GBF1: variants seen among roughly 807,000 people sequenced by gnomAD.
GBF1 encodes golgi brefeldin A resistant guanine nucleotide exchange factor 1.
GBF1 carries 114 observed loss-of-function variants against 210.5 expected under a neutral mutation model. The observed-to-expected ratio is 0.54, with a 90% CI of 0.47 to 0.63. GBF1 has a LOEUF of 0.63. Among genes scored for constraint, GBF1 ranks in the 30% least tolerant of loss-of-function variants. GBF1 has a pLI of 0.00. For missense variants in GBF1, 1,851 were observed against 2,357.7 expected, an observed-to-expected ratio of 0.79 and a Z score of 4.45; for synonymous variants, 850 against 889.2, an observed-to-expected ratio of 0.96 and a Z score of 0.78.
Position 102,359,401 on chromosome 10 carries a change from G to A in GBF1, c.1146G>A (p.Arg382=). ...SVHDMDYVNP[R]GVRFTQSSQK... ...ATGACATGGATTACGTCAATCCCCGGGGCGTGCGCTTTACACAGTCCTCCC... is the reference window on the plus strand; with the variant it reads ...ATGACATGGATTACGTCAATCCCCGAGGCGTGCGCTTTACACAGTCCTCCC... The change falls in exon 11 of 40, where the codon CGG becomes CGA. Residue 382 remains arginine (R), a synonymous_variant. Transcript: ENST00000369983. The A allele has an allele frequency of 6.2e-7, 1 of 1,613,896 alleles. No homozygotes were observed. Among genetic ancestry groups the A allele is most frequent in the Non-Finnish European group, 8.5e-7 (1 of 1,179,838 alleles).
chr10:102,270,376 G>A (rs2074286266), intron 3 of GBF1, among the ~76,000 whole-genome samples: 2 of 151,664 alleles, frequency 1.3e-5, no homozygotes, highest in Admixed American at 1.3e-4. Context: ...CACCATGTTG[G>A]CCAGGTTGGT....
chr10:102,303,651 C>A (rs1001654904), intron 3 of GBF1, among the ~76,000 whole-genome samples: 1 of 152,184 alleles, frequency 6.6e-6, no homozygotes, highest in Non-Finnish European at 1.5e-5. Flanking sequence ...GCAGCTCACA[C>A]CACGCAGCTT....
At chr10:102,281,436 G>A (rs926989844) in intron 3 of GBF1, among the ~76,000 whole-genome samples, 3 of 151,714 alleles carry the variant, frequency 2.0e-5, no homozygotes, top group African/African-American at 4.8e-5. Context: ...TAAATTATGT[G>A]ATATTTTACA....
intron 3 of GBF1, among the ~76,000 whole-genome samples, chr10:102,339,850 G>A (rs2058050145): frequency 6.6e-6 from 1 of 151,940 alleles, no homozygotes. Flanking sequence ...GCAGTGGTAT[G>A]ATCACAGTTC....
At chr10:102,239,726 G>A in the GBF1 span, among the ~76,000 whole-genome samples, 5 of 152,144 alleles carry the variant, frequency 3.3e-5, no homozygotes, top group South Asian at 2.1e-4. Context: ...TCCCCAGCTG[G>A]GCTATCTTGC....
At chr10:102,321,406 A>G (rs984783442) in intron 3 of GBF1, among the ~76,000 whole-genome samples, 1 of 152,192 alleles carries the variant, frequency 6.6e-6, no homozygotes, top group African/African-American at 2.4e-5. Context: ...TGAAATAGGA[A>G]TTTAACTTTT....
At chr10:102,249,692 C>CTTTTTTTTTTTTTTTT (rs200423046) in intron 1 of GBF1, among the ~76,000 whole-genome samples, 1 of 142,170 alleles carries the variant, frequency 7.0e-6, no homozygotes, top group African/African-American at 2.6e-5. Context: ...GTTTCTCTGG[C>CTTTTTTTTTTTTTTTT]TTTTTTTTTT....
chr10:102,304,983 TA>T (rs1381174447), intron 3 of GBF1, among the ~76,000 whole-genome samples: 5 of 78,016 alleles, frequency 6.4e-5, no homozygotes, highest in African/African-American at 2.6e-4. Flanking sequence ...GCACATCTCT[TA>T]AAAAAAAAGA....
chr10:102,375,446 C>G lies in GBF1; in HGVS notation c.3748C>G (p.Leu1250Val). The G allele has an allele frequency of 6.2e-7, 1 of 1,613,172 alleles. No homozygotes were observed. The highest frequency in any genetic ancestry group is 1.3e-5 in the African/African-American group (1 of 75,036). ...CCAGGTTGCGTATGGGCTCCATGAA[C>G]TCCTGAAGACCAATGCAGCCAACAT... ...SHQVAYGLHE[L>V]LKTNAANIHS... Residue 1250 changes from leucine (L) to valine (V), a missense_variant, in exon 30 of 40, where the codon CTC becomes GTC. This residue lies in a region of GBF1 where 967 missense variants were observed against 1,247.7 expected (regional missense o/e 0.78). Transcript: ENST00000369983.
At chr10:102,351,459 G>A in intron 5 of GBF1, 85 bp downstream of exon 5, 1 of 831,034 alleles carries the variant, frequency 1.2e-6, no homozygotes, top group East Asian at 2.4e-5. Flanking sequence ...GCATGAAACT[G>A]TGTTTTGACT....
At chr10:102,269,555 C>T (rs1202359727) in intron 3 of GBF1, among the ~76,000 whole-genome samples, 1 of 152,048 alleles carries the variant, frequency 6.6e-6, no homozygotes, top group Non-Finnish European at 1.5e-5. Context: ...GAAAAAAAAT[C>T]CTCTAAAAGT....
At chr10:102,274,190 C>G (rs1158175578) in intron 3 of GBF1, among the ~76,000 whole-genome samples, 3 of 152,168 alleles carry the variant, frequency 2.0e-5, no homozygotes, top group African/African-American at 4.8e-5. Context: ...GGAATTTGAG[C>G]AGACAACTGG....
chr10:102,256,432 C>T (rs914479309), intron 1 of GBF1, among the ~76,000 whole-genome samples: 2 of 151,472 alleles, frequency 1.3e-5, no homozygotes, highest in Non-Finnish European at 2.9e-5. Flanking sequence ...ATAAATGCCT[C>T]AAGGACATAA....
Position 102,366,248 on chromosome 10 carries a change from G to A in GBF1, c.2310-135G>A, listed in dbSNP as rs2059905861. On this transcript the variant is annotated intron_variant, in intron 18 of 39. Coordinates refer to ENST00000369983, the MANE Select transcript of GBF1 (RefSeq NM_001377137.1). This position sits in a 1 kb window ranked among gnomAD's most constrained non-coding sequence, Gnocchi z 4.0. ...CTAGGGGTTGTGTTAGGGATGAACA[G>A]GAGATACTGCCCCTTTACTAGAGAC... The A allele has an allele frequency of 1.2e-6, 1 of 815,544 alleles. No homozygotes were observed. Among genetic ancestry groups the A allele is most frequent in the Admixed American group, 2.3e-5 (1 of 44,234 alleles). 50.5% of individuals were successfully genotyped at this position (815,544 alleles called of 1,614,324 possible).
chr10:102,230,719 A>G, the GBF1 span: 3 of 1,541,500 alleles, frequency 1.9e-6, no homozygotes, highest in Non-Finnish European at 1.7e-6. Context: ...AGGGCAGGAC[A>G]CGGCCCCGGA....
Position 102,370,377 on chromosome 10 carries a change from C to G in GBF1, c.3412-7C>G, listed in dbSNP as rs1382372953. The G allele has an allele frequency of 3.1e-6, 5 of 1,599,450 alleles. 1 individual carries two copies. The South Asian group carries it at 5.5e-5, about 18-fold the overall frequency. On this transcript the variant is annotated splice_region_variant and splice_polypyrimidine_tract_variant and intron_variant, in intron 27 of 39. Coordinates refer to ENST00000369983, the MANE Select transcript of GBF1 (RefSeq NM_001377137.1). ...ATGCCTACTTTCCTGCTGCTGTTCC[C>G]CTTCAGGCTCTGGTCTCAGTGACAC...
chr10:102,231,386 C>A, the GBF1 span, among the ~76,000 whole-genome samples: 1 of 152,016 alleles, frequency 6.6e-6, no homozygotes, highest in Admixed American at 6.5e-5. Flanking sequence ...CGAAGAAGCG[C>A]GCGGTCCGAG....
chr10:102,338,376 G>C (rs56691530), intron 3 of GBF1, among the ~76,000 whole-genome samples: 1 of 151,276 alleles, frequency 6.6e-6, no homozygotes, highest in East Asian at 2.0e-4. Flanking sequence ...AAGTAGCTGA[G>C]ATTACAGGCA....
At chr10:102,275,811 C>G (rs1286440863) in intron 3 of GBF1, among the ~76,000 whole-genome samples, 1 of 152,178 alleles carries the variant, frequency 6.6e-6, no homozygotes, top group Admixed American at 6.5e-5. Context: ...TTCAGTCCAC[C>G]TGGACAGAAG....
Sources: allele counts gnomAD v4.1 joint callset (sites outside exome capture counted in the v4.1 genomes callset), GRCh38; gene constraint gnomAD v4.1.1; regional missense constraint gnomAD v4.1.1; non-coding constraint Gnocchi (gnomAD v3.1); transcripts MANE v1.5; gene names NCBI Gene and HGNC (gene_info 2026-07-23, HGNC 2026-07-21).